CCDC91: variants seen among roughly 807,000 people sequenced by gnomAD.
CCDC91 encodes coiled-coil domain containing 91.
Under a neutral mutation model 63.2 loss-of-function variants are expected in CCDC91, and 48 were observed. The ratio of observed to expected loss-of-function variants is 0.76; its 90% CI spans 0.60 to 0.97. CCDC91 has a LOEUF of 0.97. CCDC91 is among the 50% of genes least tolerant of loss of function. The pLI, the probability that CCDC91 is intolerant of heterozygous loss-of-function variation, is 0.00. For synonymous variants in CCDC91, 167 were observed against 165.8 expected, an observed-to-expected ratio of 1.01 and a Z score of -0.06; for missense variants, 500 against 494.6, an observed-to-expected ratio of 1.01 and a Z score of -0.10.
chr12:28,270,438 G>A (rs1947685053), intron 3 of CCDC91, among the ~76,000 whole-genome samples: 1 of 152,092 alleles, frequency 6.6e-6, no homozygotes, highest in Non-Finnish European at 1.5e-5. Flanking sequence ...TTAATTCAAT[G>A]TGGCTGACAA....
intron 1 of CCDC91, among the ~76,000 whole-genome samples, chr12:28,229,832 TAGA>T (rs1014604995): frequency 2.0e-5 from 3 of 152,134 alleles, no homozygotes; most frequent in East Asian, 1.9e-4. Context: ...TGTTTGTGGC[TAGA>T]AGAAGGTTTG....
chr12:28,517,080 C>T (rs1940030623), intron 12 of CCDC91, among the ~76,000 whole-genome samples: 1 of 151,932 alleles, frequency 6.6e-6, no homozygotes, highest in Non-Finnish European at 1.5e-5. Flanking sequence ...TGTCTGTAAT[C>T]AAATTCATAT....
intron 12 of CCDC91, among the ~76,000 whole-genome samples, chr12:28,527,839 G>C (rs1941401143): frequency 6.6e-6 from 1 of 152,088 alleles, no homozygotes; most frequent in Non-Finnish European, 1.5e-5. Context: ...GAGGATTATG[G>C]CTGCCTCTGT....
At chr12:28,415,234 T>A (rs1352086960) in intron 8 of CCDC91, among the ~76,000 whole-genome samples, 1 of 152,126 alleles carries the variant, frequency 6.6e-6, no homozygotes, top group Non-Finnish European at 1.5e-5. Flanking sequence ...CGGATTTTTT[T>A]TTTTTTGAGA....
chr12:28,252,938 T>A (rs1234376617), intron 1 of CCDC91, among the ~76,000 whole-genome samples: 1 of 152,188 alleles, frequency 6.6e-6, no homozygotes, highest in East Asian at 1.9e-4. Flanking sequence ...CTTTAGGAGT[T>A]AGCTATTATA....
At chr12:28,311,202 G>A (rs1176344824) in intron 6 of CCDC91, among the ~76,000 whole-genome samples, 1 of 151,968 alleles carries the variant, frequency 6.6e-6, no homozygotes, top group Non-Finnish European at 1.5e-5. Flanking sequence ...GGATTTCAGG[G>A]CTCCCACAGG....
At chr12:28,193,284 G>A (rs1348650816) in intron 1 of CCDC91, among the ~76,000 whole-genome samples, 7 of 152,250 alleles carry the variant, frequency 4.6e-5, no homozygotes, top group African/African-American at 1.4e-4. Flanking sequence ...TTCTTGGGCC[G>A]TGTGCAAGTG....
chr12:28,478,622 T>G (rs1241484345), intron 11 of CCDC91, among the ~76,000 whole-genome samples: 1 of 152,098 alleles, frequency 6.6e-6, no homozygotes, highest in African/African-American at 2.4e-5. Flanking sequence ...GGGATCTAAT[T>G]AAACTAAAGA....
intron 1 of CCDC91, among the ~76,000 whole-genome samples, chr12:28,206,653 A>G (rs1824767): frequency 0.26 from 39,542 of 151,906 alleles, 5,372 homozygotes; most frequent in Non-Finnish European, 0.31. Flanking sequence ...CTGAGTTTCT[A>G]TAATACCTGA....
At chr12:28,534,997 T>G (rs1393718622) in intron 12 of CCDC91, among the ~76,000 whole-genome samples, 1 of 152,206 alleles carries the variant, frequency 6.6e-6, no homozygotes, top group African/African-American at 2.4e-5. Context: ...TACATCAGTG[T>G]TTTTATTGAA....
chr12:28,294,744 C>T (rs2136875175), intron 3 of CCDC91, among the ~76,000 whole-genome samples: 1 of 152,148 alleles, frequency 6.6e-6, no homozygotes, highest in East Asian at 1.9e-4. Flanking sequence ...GCCACTACAC[C>T]CAGCTAATTT....
chr12:28,534,761 G>C (rs1942018469), intron 12 of CCDC91, among the ~76,000 whole-genome samples: 1 of 152,130 alleles, frequency 6.6e-6, no homozygotes, highest in Non-Finnish European at 1.5e-5. Flanking sequence ...TAGCTCTAAT[G>C]CTATATTTGA....
intron 11 of CCDC91, among the ~76,000 whole-genome samples, chr12:28,480,236 A>G (rs925058293): frequency 2.6e-5 from 4 of 152,016 alleles, no homozygotes; most frequent in South Asian, 4.1e-4. Flanking sequence ...CTTTCCACAC[A>G]TGAAACACCT....
chr12:28,220,550 T>C (rs2135663320), intron 1 of CCDC91, among the ~76,000 whole-genome samples: 1 of 152,234 alleles, frequency 6.6e-6, no homozygotes, highest in African/African-American at 2.4e-5. Context: ...TTCTTTTGTG[T>C]AGATTCAGAT....
At chr12:28,326,823 C>T (rs561195119) in intron 6 of CCDC91, among the ~76,000 whole-genome samples, 2 of 152,090 alleles carry the variant, frequency 1.3e-5, no homozygotes. Context: ...CAGGTCCCCC[C>T]CAAAATGGGT....
chr12:28,536,903 A>G (rs1527578), intron 12 of CCDC91, among the ~76,000 whole-genome samples: 58,614 of 151,970 alleles, frequency 0.39, 11,713 homozygotes, highest in South Asian at 0.45. Flanking sequence ...GAAAATGAGC[A>G]TCAAAATATT....
chr12:28,242,669 A>G lies in CCDC91; in HGVS notation c.-14-14533A>G, dbSNP rs1240491020. ...GGTTGTTATCAAAGAGTTTCCCTGC[A>G]GGGAATTCTAACTGTGGGTGACGTG... is the stretch of plus-strand genomic sequence containing the variant. On this transcript the variant is annotated intron_variant, in intron 1 of 12. Transcript: ENST00000536442. Among the ~76,000 whole-genome samples, 250 of 152,110 alleles carry G rather than the reference A, an allele frequency of 1.6e-3. 4 individuals carry two copies. Among genetic ancestry groups the G allele is most frequent in the Non-Finnish European group, 7.4e-5 (5 of 68,008 alleles).
chr12:28,334,813 C>G (rs1217476031), intron 6 of CCDC91, among the ~76,000 whole-genome samples: 3 of 151,972 alleles, frequency 2.0e-5, no homozygotes, highest in African/African-American at 7.3e-5. Context: ...CCAAACCAAC[C>G]AAACATAACA....
intron 12 of CCDC91, among the ~76,000 whole-genome samples, chr12:28,516,604 A>G (rs560089941): frequency 6.6e-6 from 1 of 152,022 alleles, no homozygotes; most frequent in East Asian, 1.9e-4. Flanking sequence ...ACCCTGTCTT[A>G]AAAAAGAAAG....
Sources: gnomAD v4.1 joint callset for allele counts (sites outside exome capture counted in the v4.1 genomes callset) on GRCh38, gnomAD v4.1.1 for gene constraint, MANE v1.5 for transcripts, NCBI Gene and HGNC (gene_info 2026-07-23, HGNC 2026-07-21) for gene names.